Variants in MBOAT7 observed in about 807,000 individuals in gnomAD.
MBOAT7 encodes the protein membrane-bound acylglycerophosphatidylinositol O-acyltransferase MBOAT7.
MBOAT7 carries 40 observed loss-of-function variants against 47.4 expected under a neutral mutation model. That is an observed-to-expected ratio of 0.84 (90% CI 0.66 to 1.10). The LOEUF is 1.10. Ranked by LOEUF, MBOAT7 falls within the 50% of genes least tolerant of loss-of-function variation. MBOAT7 has a pLI of 0.00. For missense variants in MBOAT7, 680 were observed against 655.6 expected (o/e 1.04, Z -0.41); for synonymous variants, 361 against 292.0 (o/e 1.24, Z -2.41).
rs575775464 is a variant in MBOAT7 at position 54,180,200 on chromosome 19, T to G, written c.854+573A>C. 1.3e-5 allele frequency: 2 copies of G among 152,534 alleles called. No individual in the cohort carries two copies. Among genetic ancestry groups the G allele is most frequent in the African/African-American group, 2.4e-5 (1 of 41,556 alleles). The allele number at this position is 152,534 out of a possible 1,614,324, so 9.4% of individuals were successfully genotyped here. ...TTGCTATTTCCTTGCAGAGGGCTGC[T>G]GAGGGCTGCTATGTGAGGACATCCC... is the stretch of plus-strand genomic sequence containing the variant. On this transcript the variant is annotated intron_variant, in intron 6 of 7. Transcript: ENST00000245615. The surrounding 1 kb of genome is among the most constrained non-coding windows in gnomAD (Gnocchi z 5.2).
intron 7 of MBOAT7, among the ~76,000 whole-genome samples, chr19:54,177,910 T>G (rs866397189): frequency 4.7e-5 from 3 of 64,254 alleles, no homozygotes; most frequent in African/African-American, 4.4e-5. Flanking sequence ...GTTTTTTTTT[T>G]TTTTTTTTTT....
chr19:54,174,511 C>T, intron 7 of MBOAT7, 80 bp from the exon 8 acceptor site: 1 of 1,372,560 alleles, frequency 7.3e-7, no homozygotes, highest in Non-Finnish European at 9.6e-7. Flanking sequence ...AGTCCAGGAC[C>T]CCAGCCCCTC....
rs774619270 is a variant in MBOAT7, at chr19:54,183,573, G to A, written c.441C>T (p.Pro147=). ...GPTLGLLPDV[P]SLMETLSYSY... is the part of the protein sequence containing the mutation. ...TGTAGCTGAGTGTCTCCATCAGGGAGGGCACGTCGGGCAGCAGCCCCAGGG... is the reference window on the plus strand; with the variant it reads ...TGTAGCTGAGTGTCTCCATCAGGGAAGGCACGTCGGGCAGCAGCCCCAGGG... Residue 147 remains proline (P), a synonymous_variant, in exon 5 of 8, where the codon CCC becomes CCT. Coordinates refer to ENST00000245615, the MANE Select transcript of MBOAT7 (RefSeq NM_024298.5). The A allele has an allele frequency of 6.2e-7, 1 of 1,608,404 alleles. No homozygotes were observed. Among genetic ancestry groups the A allele is most frequent in the Non-Finnish European group, 8.5e-7 (1 of 1,177,612 alleles).
intron 7 of MBOAT7, among the ~76,000 whole-genome samples, chr19:54,177,591 G>A (rs1040906738): frequency 6.7e-5 from 10 of 150,346 alleles, no homozygotes; most frequent in East Asian, 6.0e-4. Flanking sequence ...CACCGTGCCC[G>A]GCCTATTTTA....
At chr19:54,178,625 G>C (rs1368912417) in intron 7 of MBOAT7, 140 bp downstream of exon 7, 1 of 1,438,904 alleles carries the variant, frequency 6.9e-7, no homozygotes, top group Non-Finnish European at 9.1e-7. Context: ...TTAGAGGCAG[G>C]GCAAAACCAG....
chr19:54,174,735 C>T (rs2076036569), intron 7 of MBOAT7, among the ~76,000 whole-genome samples: 1 of 151,500 alleles, frequency 6.6e-6, no homozygotes, highest in Non-Finnish European at 1.5e-5. Flanking sequence ...GACCCCACCT[C>T]CCTCCTCCCT....
In MBOAT7 at chr19:54,173,579, T is replaced by A; in HGVS notation, c.*465A>T. On this transcript the variant is annotated 3_prime_UTR_variant, in exon 8 of 8. Coordinates refer to ENST00000245615, the MANE Select transcript of MBOAT7 (RefSeq NM_024298.5). ...CACCCGCACCTCAGTTTCCCCTTTGTGAAATGGGAAGCTTATGCTTCCTTC... is the reference window on the plus strand; with the variant it reads ...CACCCGCACCTCAGTTTCCCCTTTGAGAAATGGGAAGCTTATGCTTCCTTC... The A allele has an allele frequency of 5.6e-6, 1 of 179,390 alleles. No individual in the cohort carries two copies. The highest frequency in any genetic ancestry group is 1.2e-5 in the Non-Finnish European group (1 of 85,666). The allele number at this position is 179,390 out of a possible 1,614,324, so 11.1% of individuals were successfully genotyped here. A position where few individuals can be genotyped will look rare whatever the true frequency, so the allele number is the denominator to read the frequency against.
rs1358963650 is a variant in MBOAT7, at chr19:54,174,329, C to T, written c.1134G>A (p.Arg378=). Residue 378 remains arginine, a synonymous_variant, in exon 8 of 8, where the codon CGG becomes CGA. Transcript: ENST00000245615. The stretch of plus-strand genomic sequence containing the variant: ...GCCGCCCCCGCAGGGCTGACTCCAG[C>T]CGGCCCTCGGCAGCCAGGCACAGCG... The part of the protein sequence containing the change: ...TIPLCLAAEG[R]LESALRGRLS... The T allele has an allele frequency of 3.7e-6, 6 of 1,613,098 alleles. No homozygotes were observed. The South Asian group carries it at 6.6e-5, about 18-fold the overall frequency.
intron 4 of MBOAT7, among the ~76,000 whole-genome samples, chr19:54,185,492 G>A (rs1251645897): frequency 2.6e-5 from 4 of 151,992 alleles, no homozygotes; most frequent in Non-Finnish European, 5.9e-5. Flanking sequence ...CTGCCCAATT[G>A]GTGGCCACTC....
At chr19:54,186,099 C>T (rs1010730062) in intron 4 of MBOAT7, among the ~76,000 whole-genome samples, 3 of 151,946 alleles carry the variant, frequency 2.0e-5, no homozygotes, top group African/African-American at 2.4e-5. Flanking sequence ...CCACAACCTC[C>T]GCCTCCTGGG....
intron 3 of MBOAT7, 160 bp from the exon 4 acceptor site, chr19:54,187,447 G>A (rs1258019191): frequency 2.7e-5 from 22 of 820,050 alleles, no homozygotes; most frequent in Admixed American, 1.2e-4. Flanking sequence ...TGTAGGGACC[G>A]AATGAGTATG....
At position 54,174,193 on chromosome 19, in the gene MBOAT7, G is replaced by A. The variant is rs376939333; in HGVS notation, c.1270C>T (p.Arg424Trp). The A allele has an allele frequency of 1.1e-5, 18 of 1,599,794 alleles. No individual in the cohort carries two copies. The highest frequency in any genetic ancestry group is 4.5e-5 in the East Asian group (2 of 44,360). The change falls in exon 8 of 8, where the codon CGG becomes TGG. Residue 424 changes from arginine (R) to tryptophan (W), a missense_variant. Transcript: ENST00000245615. Reference protein sequence around the residue: ...FVLLSLADTLRYWASIYFCIH... With the variant: ...FVLLSLADTLWYWASIYFCIH... ...CAGAAGTAGATGGAGGCCCAGTACCGAAGGGTGTCGGCCAAGGAGAGCAGC... is the reference window on the plus strand; with the variant it reads ...CAGAAGTAGATGGAGGCCCAGTACCAAAGGGTGTCGGCCAAGGAGAGCAGC...
Sources: allele counts gnomAD v4.1 joint callset (sites outside exome capture counted in the v4.1 genomes callset), GRCh38; gene constraint gnomAD v4.1.1; non-coding constraint Gnocchi (gnomAD v3.1); transcripts MANE v1.5; gene names NCBI Gene and HGNC (gene_info 2026-07-23, HGNC 2026-07-21).